Variants in PPL observed in about 807,000 individuals in gnomAD.
PPL encodes periplakin, also known as 190 kDa paraneoplastic pemphigus antigen.
A neutral mutation model predicts 194.4 loss-of-function variants in PPL; 198 were observed. That is an observed-to-expected ratio of 1.02 (90% CI 0.91 to 1.15). The LOEUF is 1.15. Ranked by LOEUF, PPL falls within the 50% of genes most tolerant of loss-of-function variation. The pLI is 0.00. For synonymous variants in PPL, 1,220 were observed against 972.4 expected (o/e 1.25, Z -4.74); for missense variants, 2,885 against 2,294.8 (o/e 1.26, Z -5.25).
At position 4,937,047 on chromosome 16, in the gene PPL, G is replaced by C. The variant is rs1408416624; in HGVS notation, c.-2C>G. On this transcript the variant is annotated 5_prime_UTR_variant, in exon 1 of 22. Transcript: ENST00000345988. ...TCTCTTCCTGAAGAGCGAGTTCATG[G>C]TGGCGCTCGGGGTGCGGGCGGCGGC... 11 of 1,475,704 alleles carry C rather than the reference G, an allele frequency of 7.5e-6. No individual in the cohort carries two copies. The highest frequency in any genetic ancestry group is 1.4e-5 in the African/African-American group (1 of 69,728). 91.4% of individuals were successfully genotyped at this position (1,475,704 alleles called of 1,614,324 possible).
In PPL at chr16:4,902,931, C is replaced by T. The variant is rs527487964; in HGVS notation, c.318-405G>A. Among the ~76,000 whole-genome samples the T allele has an allele frequency of 4.6e-5, 7 of 152,318 alleles. No homozygotes were observed. The South Asian group carries it at 8.3e-4, about 18-fold the overall frequency. The stretch of plus-strand genomic sequence containing the variant: ...CTCGAACTCCTGACCTCAGGTGATC[C>T]GTCCGCTTCGGCCTCCCGAAGTGCT... On this transcript the variant is annotated intron_variant, in intron 3 of 21. Coordinates refer to ENST00000345988, the MANE Select transcript of PPL (RefSeq NM_002705.5). This position sits in a 1 kb window ranked among gnomAD's most constrained non-coding sequence, Gnocchi z 4.0.
chr16:4,883,208 T>C lies in PPL; in HGVS notation c.*176A>G. The C allele has an allele frequency of 2.6e-6, 2 of 779,064 alleles. No individual in the cohort carries two copies. 48.3% of individuals were successfully genotyped at this position (779,064 alleles called of 1,614,324 possible). On this transcript the variant is annotated 3_prime_UTR_variant, in exon 22 of 22. Transcript: ENST00000345988. The surrounding 1 kb of genome is among the most constrained non-coding windows in gnomAD (Gnocchi z 4.8). The stretch of plus-strand genomic sequence containing the variant: ...AATGATGGTTGGGACGAGAGTTGCC[T>C]GTCTTCAGCCAGTGCCTGTCTCATA...
Position 4,902,945 on chromosome 16 carries a change from T to G in PPL, c.318-419A>C, listed in dbSNP as rs923412682. 6.6e-5 allele frequency among the ~76,000 whole-genome samples: 10 copies of G among 152,186 alleles called. No homozygotes were observed. Among genetic ancestry groups the G allele is most frequent in the Admixed American group, 5.9e-4 (9 of 15,282 alleles). On this transcript the variant is annotated intron_variant, in intron 3 of 21. Transcript: ENST00000345988. This position sits in a 1 kb window ranked among gnomAD's most constrained non-coding sequence, Gnocchi z 4.0. ...CTCAGGTGATCCGTCCGCTTCGGCC[T>G]CCCGAAGTGCTGGGATCACAGGCGT... is the stretch of plus-strand genomic sequence containing the variant.
Position 4,883,569 on chromosome 16 carries a change from C to T in PPL, c.5086G>A (p.Glu1696Lys). ...TTGGGACCCTTCACTGAGATCTCCTCCCAGTCGCACTCCTGGCTTCTGAGT... is the reference window on the plus strand; with the variant it reads ...TTGGGACCCTTCACTGAGATCTCCTTCCAGTCGCACTCCTGGCTTCTGAGT... ...VKLRSQECDWEEISVKGPNGE... is the reference protein window; with the variant it reads ...VKLRSQECDWKEISVKGPNGE... Residue 1696 changes from glutamate (E) to lysine (K), a missense_variant, in exon 22 of 22, where the codon GAG (glutamate) becomes AAG (lysine). Glu to Lys is a moderately conservative substitution (Grantham distance 56, BLOSUM62 1). Transcript: ENST00000345988. The surrounding 1 kb of genome is among the most constrained non-coding windows in gnomAD (Gnocchi z 4.8). 6.2e-7 allele frequency: 1 copy of T among 1,614,170 alleles called. No homozygotes were observed. The highest frequency in any genetic ancestry group is 8.5e-7 in the Non-Finnish European group (1 of 1,180,026).
intron 4 of PPL, among the ~76,000 whole-genome samples, chr16:4,901,941 AAAATAAAT>A (rs61188714): frequency 3.4e-3 from 277 of 81,922 alleles, no homozygotes; most frequent in Non-Finnish European, 6.3e-3. Flanking sequence ...CCTTGTCTCA[AAAATAAAT>A]AAATAAATAA....
In PPL at chr16:4,902,774, C is replaced by A. The variant is rs984839318; in HGVS notation, c.318-248G>T. Among the ~76,000 whole-genome samples, 1 of 152,056 alleles carries A rather than the reference C, an allele frequency of 6.6e-6. No homozygotes were observed. The highest frequency in any genetic ancestry group is 1.9e-4 in the East Asian group (1 of 5,184). ...ACGTCATCTCAGCTCATGGCAGCCT[C>A]CGCCTCCCAGGTTCAAGCAATTCTC... On this transcript the variant is annotated intron_variant, in intron 3 of 21. Transcript: ENST00000345988. The surrounding 1 kb of genome is among the most constrained non-coding windows in gnomAD (Gnocchi z 4.0).
chr16:4,917,529 G>A (rs570196884), intron 1 of PPL, among the ~76,000 whole-genome samples: 4 of 152,274 alleles, frequency 2.6e-5, no homozygotes, highest in Admixed American at 2.6e-4. Flanking sequence ...TTGCTAAGGG[G>A]TATCAGATTT....
At position 4,888,982 on chromosome 16, in the gene PPL, A is replaced by G. The variant is rs765395616; in HGVS notation, c.2393T>C (p.Val798Ala). 1.2e-6 allele frequency: 2 copies of G among 1,613,148 alleles called. No individual in the cohort carries two copies. Among genetic ancestry groups the G allele is most frequent in the East Asian group, 4.5e-5 (2 of 44,884 alleles). Reference protein sequence around the residue: ...CANSQQYQQAVKDYELEAEKL... With the variant: ...CANSQQYQQAAKDYELEAEKL... Reference sequence around the variant, plus strand: ...GGCGGAAGTTTCCCGGCTCACCTTTACAGCTTGCTGGTACTGCTGGGAATT... The same window carrying G: ...GGCGGAAGTTTCCCGGCTCACCTTTGCAGCTTGCTGGTACTGCTGGGAATT... The change falls in exon 19 of 22, where the codon GTA (valine) becomes GCA (alanine). Residue 798 changes from valine (V) to alanine (A), a missense_variant. Coordinates refer to ENST00000345988, the MANE Select transcript of PPL (RefSeq NM_002705.5).
At chr16:4,888,066 C>A (rs757783661) in intron 20 of PPL, 36 bp downstream of exon 20, 11 of 1,515,210 alleles carry the variant, frequency 7.3e-6, no homozygotes, top group Non-Finnish European at 1.0e-5. Context: ...TTGGCCTCCA[C>A]CTCAGTCCCG....
chr16:4,898,956 G>T, intron 8 of PPL, 57 bp downstream of exon 8: 1 of 1,458,902 alleles, frequency 6.9e-7, no homozygotes, highest in Non-Finnish European at 9.6e-7. Context: ...CGGCCCACAG[G>T]CAGCGGCCAA....
rs375505175 is a variant in PPL at position 4,890,721 on chromosome 16, C to T, written c.2162+7G>A. On this transcript the variant is annotated splice_region_variant and intron_variant, in intron 17 of 21. Transcript: ENST00000345988. ...ACAAAAATGGCCACCACCCACCGCA[C>T]CCTCACCTGCGTTCCACCTGCTGGC... 4.0e-4 allele frequency: 640 copies of T among 1,601,320 alleles called. No homozygotes were observed. Among genetic ancestry groups the T allele is most frequent in the Non-Finnish European group, 5.1e-4 (602 of 1,174,428 alleles).
intron 1 of PPL, among the ~76,000 whole-genome samples, chr16:4,925,476 C>T (rs1192351140): frequency 2.0e-5 from 3 of 152,242 alleles, no homozygotes; most frequent in Non-Finnish European, 4.4e-5. Context: ...TAGGAAGTAG[C>T]CACCCTTAGT....
At chr16:4,892,486 C>T (rs956616882) in intron 14 of PPL, among the ~76,000 whole-genome samples, 1 of 152,218 alleles carries the variant, frequency 6.6e-6, no homozygotes, top group Non-Finnish European at 1.5e-5. Context: ...GCACTGCACG[C>T]GGACGCTTCT....
rs768218310 is a variant in PPL at position 4,901,033 on chromosome 16, C to G, written c.495G>C (p.Val165=). 2 of 1,614,220 alleles carry G rather than the reference C, an allele frequency of 1.2e-6. No homozygotes were observed. Among genetic ancestry groups the G allele is most frequent in the Admixed American group, 3.3e-5 (2 of 60,034 alleles). The change falls in exon 5 of 22, where the codon GTG becomes GTC. Residue 165 remains valine (V), a synonymous_variant. Transcript: ENST00000345988. ...GTDLPLVDHQ[V]EEHNIFHNEV... Reference sequence around the variant, plus strand: ...CATTGTGGAAGATGTTATGCTCCTCCACTTGGTGGTCCACCAGCGGCAGGT... The same window carrying G: ...CATTGTGGAAGATGTTATGCTCCTCGACTTGGTGGTCCACCAGCGGCAGGT...
intron 1 of PPL, among the ~76,000 whole-genome samples, chr16:4,914,640 T>C (rs544341851): frequency 1.3e-5 from 2 of 152,298 alleles, no homozygotes; most frequent in Admixed American, 1.3e-4. Context: ...TTACAAGTCT[T>C]ATTCTTCCTT....
chr16:4,929,610 T>A (rs546545678), intron 1 of PPL, among the ~76,000 whole-genome samples: 1 of 152,292 alleles, frequency 6.6e-6, no homozygotes, highest in South Asian at 2.1e-4. Context: ...GGAAGAGAAA[T>A]GTTATTGTTC....
At chr16:4,907,640 G>A (rs2088720273) in intron 2 of PPL, among the ~76,000 whole-genome samples, 1 of 152,056 alleles carries the variant, frequency 6.6e-6, no homozygotes. Flanking sequence ...GGAGATGGTT[G>A]TGTAACATTG....
intron 9 of PPL, among the ~76,000 whole-genome samples, chr16:4,896,716 T>A (rs2088437511): frequency 6.8e-6 from 1 of 147,718 alleles, no homozygotes. Flanking sequence ...CTCAGCTCAC[T>A]GCAACCTCTG....
chr16:4,894,626 G>C lies in PPL; in HGVS notation c.1243-8C>G. The C allele has an allele frequency of 6.2e-7, 1 of 1,611,666 alleles. No homozygotes were observed. The highest frequency in any genetic ancestry group is 1.3e-5 in the African/African-American group (1 of 75,036). ...GCCCCGCGAGATCAGGCCCTGGCGGGGGCAGGCTGGACAGTCAGGATCCCG... is the reference window on the plus strand; with the variant it reads ...GCCCCGCGAGATCAGGCCCTGGCGGCGGCAGGCTGGACAGTCAGGATCCCG... On this transcript the variant is annotated splice_polypyrimidine_tract_variant and splice_region_variant and intron_variant, in intron 11 of 21. Coordinates refer to ENST00000345988, the MANE Select transcript of PPL (RefSeq NM_002705.5).
Sources: gnomAD v4.1 joint callset for allele counts (sites outside exome capture counted in the v4.1 genomes callset) on GRCh38, gnomAD v4.1.1 for gene constraint, Gnocchi (gnomAD v3.1) non-coding constraint, MANE v1.5 for transcripts, NCBI Gene and HGNC (gene_info 2026-07-23, HGNC 2026-07-21) for gene names.